The following ELF2 variants were observed in gnomAD, a reference collection of about 807,000 sequenced individuals.
ELF2 encodes the protein E74 like ETS transcription factor 2, also known as ETS-related transcription factor Elf-2.
ELF2 carries 11 observed loss-of-function variants against 54.8 expected under a neutral mutation model. The observed-to-expected ratio is 0.20, with a 90% CI of 0.13 to 0.33. The LOEUF is 0.33. Ranked by LOEUF, ELF2 falls within the 10% of genes least tolerant of loss-of-function variation. The pLI is 1.00. For synonymous variants in ELF2, 203 were observed against 245.1 expected (o/e 0.83, Z 1.61); for missense variants, 513 against 703.0 (o/e 0.73, Z 3.06).
At chr4:139,083,342 C>T (rs1042268293) in intron 4 of ELF2, among the ~76,000 whole-genome samples, 2 of 152,160 alleles carry the variant, frequency 1.3e-5, no homozygotes, top group Admixed American at 1.3e-4. Flanking sequence ...CAAATATATT[C>T]CGTGTTCTTC....
At chr4:139,167,529 T>C (rs375281505) in intron 1 of ELF2, among the ~76,000 whole-genome samples, 6 of 152,198 alleles carry the variant, frequency 3.9e-5, no homozygotes, top group African/African-American at 1.2e-4. Context: ...GGGATGACTA[T>C]AAAAAGTTAT....
At chr4:139,126,389 A>G (rs1464043724) in intron 3 of ELF2, among the ~76,000 whole-genome samples, 1 of 148,710 alleles carries the variant, frequency 6.7e-6, no homozygotes, top group African/African-American at 2.5e-5. Context: ...AAAAAAAAAA[A>G]GGTTTGGAAA....
intron 4 of ELF2, among the ~76,000 whole-genome samples, chr4:139,114,699 G>A (rs1266033820): frequency 1.5e-5 from 2 of 132,986 alleles, no homozygotes; most frequent in Non-Finnish European, 3.1e-5. Flanking sequence ...AAGGGCCCGC[G>A]CCACGGAGTC....
chr4:139,135,210 T>C (rs565256310), intron 3 of ELF2, among the ~76,000 whole-genome samples: 69 of 151,138 alleles, frequency 4.6e-4, no homozygotes, highest in African/African-American at 1.7e-3. Context: ...AGAATATATA[T>C]TCTATTATAC....
At chr4:139,113,875 A>G (rs1204890340) in intron 4 of ELF2, among the ~76,000 whole-genome samples, 5 of 152,008 alleles carry the variant, frequency 3.3e-5, no homozygotes, top group Non-Finnish European at 5.9e-5. Context: ...AAAAATTAAA[A>G]GTAAATAAAA....
chr4:139,075,958 C>T (rs1347378550), intron 4 of ELF2, among the ~76,000 whole-genome samples: 1 of 152,002 alleles, frequency 6.6e-6, no homozygotes, highest in Admixed American at 6.6e-5. Flanking sequence ...AATGTTTATA[C>T]AAATTTCATA....
chr4:139,104,070 A>G (rs1734170606), intron 4 of ELF2, among the ~76,000 whole-genome samples: 1 of 152,222 alleles, frequency 6.6e-6, no homozygotes, highest in Admixed American at 6.5e-5. Context: ...AATTATGACC[A>G]AACACTGACT....
rs111456141 is a variant in ELF2, at chr4:139,159,119, A to G, written c.-252+17848T>C. Among the ~76,000 whole-genome samples the G allele has an allele frequency of 8.2e-3, 1,243 of 152,268 alleles. 21 individuals are homozygous for G. The highest frequency in any genetic ancestry group is 0.029 in the African/African-American group (1,187 of 41,552). On this transcript the variant is annotated intron_variant, in intron 1 of 9. Transcript: ENST00000686138. ...GACCCTGTGGGAAAGGTCTCTATCCATCCAGTGAAAGTGTCCACCTAGACC... is the reference window on the plus strand; with the variant it reads ...GACCCTGTGGGAAAGGTCTCTATCCGTCCAGTGAAAGTGTCCACCTAGACC...
At chr4:139,142,054 G>A (rs945448781) in intron 1 of ELF2, among the ~76,000 whole-genome samples, 4 of 152,122 alleles carry the variant, frequency 2.6e-5, no homozygotes, top group South Asian at 4.1e-4. Flanking sequence ...AGTGAATAAA[G>A]GCAAAGTCCC....
At chr4:139,166,918 C>CT (rs1456226672) in intron 1 of ELF2, among the ~76,000 whole-genome samples, 7 of 152,230 alleles carry the variant, frequency 4.6e-5, no homozygotes, top group African/African-American at 1.4e-4. Context: ...GTTTTTATGA[C>CT]TTTTATTTGA....
intron 8 of ELF2, 53 bp from the exon 9 acceptor site, chr4:139,060,727 C>A (rs947712721): frequency 1.4e-6 from 2 of 1,457,232 alleles, no homozygotes; most frequent in African/African-American, 1.4e-5. Context: ...CTTCACCCCA[C>A]TCCACCCCCG....
intron 1 of ELF2, among the ~76,000 whole-genome samples, chr4:139,154,007 C>T (rs2148889694): frequency 6.6e-6 from 1 of 152,264 alleles, no homozygotes; most frequent in Admixed American, 6.5e-5. Flanking sequence ...GCCCTCAAAA[C>T]CCTCTTTGGA....
At position 139,139,485 on chromosome 4, in the gene ELF2, T is replaced by G; in HGVS notation, c.-239A>C. On this transcript the variant is annotated 5_prime_UTR_variant, in exon 2 of 10. Transcript: ENST00000686138. ...TGGGAAGAGCTAAAATCTGAACCAG[T>G]AGTTCTTTGGAACTGCCAGCGGGAG... 8.1e-7 allele frequency: 1 copy of G among 1,229,126 alleles called. No individual in the cohort carries two copies. The highest frequency in any genetic ancestry group is 1.0e-6 in the Non-Finnish European group (1 of 986,554). The allele number at this position is 1,229,126 out of a possible 1,614,324, so 76.1% of individuals were successfully genotyped here. A position where few individuals can be genotyped will look rare whatever the true frequency, so the allele number is the denominator to read the frequency against.
intron 4 of ELF2, among the ~76,000 whole-genome samples, chr4:139,108,791 G>T (rs1429991478): frequency 2.6e-5 from 4 of 151,924 alleles, no homozygotes; most frequent in Admixed American, 1.3e-4. Context: ...AAAAATAAAA[G>T]AATCGAAGAA....
At chr4:139,079,255 A>AAAGT (rs1424497429) in intron 4 of ELF2, among the ~76,000 whole-genome samples, 11 of 152,206 alleles carry the variant, frequency 7.2e-5, no homozygotes, top group African/African-American at 2.7e-4. Context: ...TAAAAAACAA[A>AAAGT]AAGTAAGTAG....
chr4:139,085,997 G>C (rs1731936656), intron 4 of ELF2, among the ~76,000 whole-genome samples: 1 of 152,128 alleles, frequency 6.6e-6, no homozygotes, highest in South Asian at 2.1e-4. Context: ...GTTACAAAGT[G>C]TCTTGTTACT....
intron 1 of ELF2, among the ~76,000 whole-genome samples, chr4:139,156,342 A>C (rs1740533848): frequency 6.6e-6 from 1 of 151,874 alleles, no homozygotes. Context: ...TGCCTGGCTA[A>C]TTTTGTTTTT....
chr4:139,165,429 C>T (rs1741620843), intron 1 of ELF2, among the ~76,000 whole-genome samples: 1 of 151,994 alleles, frequency 6.6e-6, no homozygotes, highest in Non-Finnish European at 1.5e-5. Flanking sequence ...TCTGGGAGGC[C>T]GAGGTGGATG....
chr4:139,163,961 A>C (rs893251283), intron 1 of ELF2, among the ~76,000 whole-genome samples: 7 of 150,372 alleles, frequency 4.7e-5, no homozygotes, highest in African/African-American at 1.7e-4. Context: ...AGAAAGAGAA[A>C]AGAAAGAAAG....
Sources: gnomAD v4.1 joint callset for allele counts (sites outside exome capture counted in the v4.1 genomes callset) on GRCh38, gnomAD v4.1.1 for gene constraint, MANE v1.5 for transcripts, NCBI Gene and HGNC (gene_info 2026-07-23, HGNC 2026-07-21) for gene names.